Variants in PCDHGB6 observed in about 807,000 individuals in gnomAD.
The protein encoded by PCDHGB6 is protocadherin gamma subfamily B, 6.
PCDHGB6 carries 51 observed loss-of-function variants against 59.1 expected under a neutral mutation model. The ratio of observed to expected loss-of-function variants is 0.86; its 90% CI spans 0.69 to 1.09. The LOEUF is 1.09. Among genes scored for constraint, PCDHGB6 ranks in the 50% least tolerant of loss-of-function variants. The probability of loss-of-function intolerance (pLI) is 0.00; values close to 1 mark genes in which losing one functional copy is unlikely to be tolerated. For synonymous variants in PCDHGB6, 466 were observed against 495.1 expected (o/e 0.94, Z 0.78); for missense variants, 1,148 against 1,205.1 (o/e 0.95, Z 0.70).
chr5:141,495,465 G>A (rs563411010), intron 2 of PCDHGB6, among the ~76,000 whole-genome samples: 3 of 152,182 alleles, frequency 2.0e-5, no homozygotes, highest in Non-Finnish European at 2.9e-5. Context: ...TGTCTGTGGG[G>A]TCTCCGTGTC....
In PCDHGB6 at chr5:141,428,010, G is replaced by C. The variant is rs544491298; in HGVS notation, c.2418+17390G>C. The C allele has an allele frequency of 1.2e-4, 192 of 1,603,004 alleles. 6 individuals are homozygous for C. In the South Asian group the frequency reaches 2.0e-3, roughly 17 times the overall value. ...CGATGGCTCCGCACTCTTCGATATA[G>C]TGCCACGCGCCGCAGAGTCCGGCTA... On this transcript the variant is annotated intron_variant, in intron 1 of 3. Transcript: ENST00000520790.
chr5:141,478,454 A>T, intron 1 of PCDHGB6: 1 of 1,613,596 alleles, frequency 6.2e-7, no homozygotes. Flanking sequence ...TGGTGCAGCC[A>T]GTCCACTGGC....
In PCDHGB6 at chr5:141,490,601, T is replaced by C. The variant is rs777393370; in HGVS notation, c.2419-4206T>C. 1 of 1,614,176 alleles carries C rather than the reference T, an allele frequency of 6.2e-7. No homozygotes were observed. The highest frequency in any genetic ancestry group is 8.5e-7 in the Non-Finnish European group (1 of 1,180,030). ...GATGTCAATGACAATGCACCCCGCTTCAACCAGCAGCTTTACACTGCTTAC... is the reference window on the plus strand; with the variant it reads ...GATGTCAATGACAATGCACCCCGCTCCAACCAGCAGCTTTACACTGCTTAC... On this transcript the variant is annotated intron_variant, in intron 1 of 3. Transcript: ENST00000520790. This position sits in a 1 kb window ranked among gnomAD's most constrained non-coding sequence, Gnocchi z 5.4.
At chr5:141,413,151 T>C (rs1192899612) in intron 1 of PCDHGB6, 5 of 1,573,560 alleles carry the variant, frequency 3.2e-6, no homozygotes, top group South Asian at 1.2e-5. Context: ...GTGAGGACTT[T>C]GCAGAATTCT....
chr5:141,427,205 C>T lies in PCDHGB6; in HGVS notation c.2418+16585C>T, dbSNP rs73280903. 3.4e-3 allele frequency: 1,562 copies of T among 456,606 alleles called. 21 individuals carry two copies. Among genetic ancestry groups the T allele is most frequent in the African/African-American group, 0.028 (1,422 of 50,136 alleles). 28.3% of individuals were successfully genotyped at this position (456,606 alleles called of 1,614,324 possible). Reference sequence around the variant, plus strand: ...TTAAATCCAAAGACTTAATAGACTTCGAATTTCGTAGCAGTTATACCATGA... The same window carrying T: ...TTAAATCCAAAGACTTAATAGACTTTGAATTTCGTAGCAGTTATACCATGA... On this transcript the variant is annotated intron_variant, in intron 1 of 3. Transcript: ENST00000520790.
rs1227487225 is a variant in PCDHGB6, at chr5:141,491,275, G to C, written c.2419-3532G>C. The C allele has an allele frequency of 2.5e-6, 4 of 1,614,082 alleles. 1 individual carries two copies. In the South Asian group the frequency reaches 4.4e-5, roughly 18 times the overall value. On this transcript the variant is annotated intron_variant, in intron 1 of 3. Transcript: ENST00000520790. This position sits in a 1 kb window ranked among gnomAD's most constrained non-coding sequence, Gnocchi z 6.9. Reference sequence around the variant, plus strand: ...CCCTGAGGAAATGCCCAAATCCAGTGACTTCCTCATACACCCTCCTGAGCG... The same window carrying C: ...CCCTGAGGAAATGCCCAAATCCAGTCACTTCCTCATACACCCTCCTGAGCG...
intron 1 of PCDHGB6, chr5:141,415,400 C>T (rs754292889): frequency 2.5e-6 from 4 of 1,614,228 alleles, no homozygotes; most frequent in South Asian, 1.1e-5. Flanking sequence ...GTGTCCGGCT[C>T]GCACTTTGTG....
rs544263424 is a variant in PCDHGB6, at chr5:141,408,045, A to G, written c.-158A>G. 8 of 1,236,658 alleles carry G rather than the reference A, an allele frequency of 6.5e-6. No individual in the cohort carries two copies. Among genetic ancestry groups the G allele is most frequent in the Admixed American group, 3.0e-5 (1 of 33,704 alleles). 76.6% of individuals were successfully genotyped at this position (1,236,658 alleles called of 1,614,324 possible). A position where few individuals can be genotyped will look rare whatever the true frequency, so the allele number is the denominator to read the frequency against. ...CAGAAAGAAGAAAACCAGCTCCCAC[A>G]CAGAGCCTCCCGGCTGCGCAGACCT... On this transcript the variant is annotated 5_prime_UTR_variant, in exon 1 of 4. Transcript: ENST00000520790.
In PCDHGB6 at chr5:141,409,502, T is replaced by C; in HGVS notation, c.1300T>C (p.Ser434Pro). The change falls in exon 1 of 4, where the codon TCC becomes CCC. Residue 434 changes from serine (S) to proline (P), a missense_variant. This residue lies in a region of PCDHGB6 where 549 missense variants were observed against 527.5 expected (regional missense o/e 1.04). Coordinates refer to ENST00000520790, the MANE Select transcript of PCDHGB6 (RefSeq NM_018926.3). Reference protein sequence around the residue: ...ATDRGKPPLSSSRSITLYVAD... With the variant: ...ATDRGKPPLSPSRSITLYVAD... ...TGACAGGGGCAAGCCGCCTCTTTCT[T>C]CCAGTAGAAGCATCACCTTGTATGT... 2 of 1,613,986 alleles carry C rather than the reference T, an allele frequency of 1.2e-6. No homozygotes were observed. Among genetic ancestry groups the C allele is most frequent in the South Asian group, 1.1e-5 (1 of 91,084 alleles).
intron 1 of PCDHGB6, 98 bp downstream of exon 1, chr5:141,410,718 TA>T: frequency 7.1e-7 from 1 of 1,402,688 alleles, no homozygotes; most frequent in Non-Finnish European, 9.6e-7. Context: ...ATCATATGTT[TA>T]AAATCCATAG....
Position 141,409,341 on chromosome 5 carries a change from G to C in PCDHGB6, c.1139G>C (p.Gly380Ala). 6.2e-7 allele frequency: 1 copy of C among 1,613,976 alleles called. No homozygotes were observed. The highest frequency in any genetic ancestry group is 8.5e-7 in the Non-Finnish European group (1 of 1,179,906). The change falls in exon 1 of 4, where the codon GGA (glycine) becomes GCA (alanine). Residue 380 changes from glycine (G) to alanine (A), a missense_variant. Physicochemically the swap from Gly to Ala is moderately conservative, Grantham distance 60. Transcript: ENST00000520790. ...CGGGATCTGGATTTCGGAGGAAATG[G>C]AGAAGTCAGGTGTAATATAGAAACA... ...KTRDLDFGGNGEVRCNIETDI... is the reference protein window; with the variant it reads ...KTRDLDFGGNAEVRCNIETDI...
chr5:141,502,577 A>G (rs1260539435), intron 2 of PCDHGB6, among the ~76,000 whole-genome samples: 2 of 152,192 alleles, frequency 1.3e-5, no homozygotes, highest in African/African-American at 4.8e-5. Context: ...TTATAAAAAT[A>G]TATTTTTATA....
rs753872725 is a variant in PCDHGB6, at chr5:141,423,153, C to T, written c.2418+12533C>T. ...TGGACAGAGACGCGCTCAAGCAGAG[C>T]CTCGTGGTGGCCGTCCAGGACCACG... On this transcript the variant is annotated intron_variant, in intron 1 of 3. Transcript: ENST00000520790. The T allele has an allele frequency of 3.7e-6, 6 of 1,613,482 alleles. No homozygotes were observed. The East Asian group carries it at 8.9e-5, about 24-fold the overall frequency.
intron 1 of PCDHGB6, among the ~76,000 whole-genome samples, chr5:141,449,440 C>T (rs2098639026): frequency 6.6e-6 from 1 of 151,742 alleles, no homozygotes; most frequent in Admixed American, 6.6e-5. Flanking sequence ...AACTCCATCT[C>T]TACTAAAAAT....
intron 1 of PCDHGB6, among the ~76,000 whole-genome samples, chr5:141,480,753 G>A (rs1418880497): frequency 1.3e-5 from 2 of 152,144 alleles, no homozygotes; most frequent in Non-Finnish European, 2.9e-5. Flanking sequence ...ATCATTTTTT[G>A]AAGGTCCCCA....
rs141605264 is a variant in PCDHGB6, at chr5:141,479,755, A to C, written c.2419-15052A>C. The C allele has an allele frequency of 2.6e-3, 390 of 152,364 alleles. 2 individuals are homozygous for C. The highest frequency in any genetic ancestry group is 9.1e-3 in the African/African-American group (378 of 41,580). 9.4% of individuals were successfully genotyped at this position (152,364 alleles called of 1,614,324 possible). On this transcript the variant is annotated intron_variant, in intron 1 of 3. Coordinates refer to ENST00000520790, the MANE Select transcript of PCDHGB6 (RefSeq NM_018926.3). ...AGTATATGCACAATGTGAAAGGTAG[A>C]TAAATTCATATCCTTAGACAGGTAA...
intron 1 of PCDHGB6, chr5:141,428,826 A>G (rs190740602): frequency 1.3e-5 from 2 of 149,304 alleles, no homozygotes; most frequent in South Asian, 2.1e-4. Context: ...GCTTTCATGT[A>G]TTTTTGAAAC....
chr5:141,410,664 A>G, intron 1 of PCDHGB6, 44 bp downstream of exon 1: 1 of 1,570,058 alleles, frequency 6.4e-7, no homozygotes, highest in Non-Finnish European at 8.6e-7. Context: ...ATAGTCTACT[A>G]GTTTCTCATA....
intron 1 of PCDHGB6, chr5:141,468,401 C>G (rs943048252): frequency 6.7e-6 from 1 of 149,126 alleles, no homozygotes; most frequent in Non-Finnish European, 1.5e-5. Flanking sequence ...TTGGTGAGAA[C>G]TAATAATAAG....
Sources: allele counts gnomAD v4.1 joint callset (sites outside exome capture counted in the v4.1 genomes callset), GRCh38; gene constraint gnomAD v4.1.1; regional missense constraint gnomAD v4.1.1; non-coding constraint Gnocchi (gnomAD v3.1); transcripts MANE v1.5; gene names NCBI Gene and HGNC (gene_info 2026-07-23, HGNC 2026-07-21).